The following SH3RF3 variants were observed in gnomAD, a reference collection of about 807,000 sequenced individuals.
The protein encoded by SH3RF3 is SH3 domain containing ring finger 3.
A neutral mutation model predicts 66.3 loss-of-function variants in SH3RF3; 29 were observed. The observed-to-expected ratio is 0.44, with a 90% CI of 0.33 to 0.60. SH3RF3 has a LOEUF of 0.60. SH3RF3 is among the 20% of genes least tolerant of loss of function. The pLI is 0.04. For missense variants in SH3RF3, 1,194 were observed against 1,190.9 expected, an observed-to-expected ratio of 1.00 and a Z score of -0.04; for synonymous variants, 583 against 532.0, an observed-to-expected ratio of 1.10 and a Z score of -1.32.
chr2:109,394,468 G>A (rs79715686), intron 3 of SH3RF3, among the ~76,000 whole-genome samples: 13,118 of 152,292 alleles, frequency 0.086, 729 homozygotes, highest in East Asian at 0.25. Flanking sequence ...CAGAACAGGG[G>A]CAGGCTCTGG....
intron 1 of SH3RF3, among the ~76,000 whole-genome samples, chr2:109,183,884 G>C (rs1362074218): frequency 6.6e-6 from 1 of 152,216 alleles, no homozygotes; most frequent in East Asian, 1.9e-4. Flanking sequence ...ATTGTCCCAA[G>C]GAAAGTGGGC....
chr2:109,433,730 G>T (rs1559081526), intron 6 of SH3RF3, among the ~76,000 whole-genome samples: 1 of 152,222 alleles, frequency 6.6e-6, no homozygotes, highest in Admixed American at 6.5e-5. Flanking sequence ...CTCTCGAGGT[G>T]CCCAGAAGCG....
chr2:109,129,617 G>C lies in SH3RF3; in HGVS notation c.77G>C (p.Arg26Thr). ...AAAQSEGDED[R>T]PGERRRRRAA... The stretch of plus-strand genomic sequence containing the variant: ...GCGCAGAGCGAGGGCGACGAGGACA[G>C]GCCAGGCGAGCGACGGCGGCGTCGG... The change falls in exon 1 of 10, where the codon AGG (arginine) becomes ACG (threonine). Residue 26 changes from arginine to threonine, a missense_variant. Coordinates refer to ENST00000309415, the MANE Select transcript of SH3RF3 (RefSeq NM_001099289.3). 1 of 1,490,264 alleles carries C rather than the reference G, an allele frequency of 6.7e-7. No individual in the cohort carries two copies. Among genetic ancestry groups the C allele is most frequent in the East Asian group, 2.7e-5 (1 of 36,570 alleles). The allele number at this position is 1,490,264 out of a possible 1,614,324, so 92.3% of individuals were successfully genotyped here.
chr2:109,286,116 C>T (rs1419544050), intron 1 of SH3RF3, among the ~76,000 whole-genome samples: 1 of 152,176 alleles, frequency 6.6e-6, no homozygotes, highest in African/African-American at 2.4e-5. Context: ...GGTGCTTGGA[C>T]CCTGCAGGCC....
intron 3 of SH3RF3, among the ~76,000 whole-genome samples, chr2:109,382,710 G>A (rs1675724632): frequency 6.6e-6 from 1 of 152,192 alleles, no homozygotes; most frequent in Admixed American, 6.5e-5. Context: ...GAAGAGGAAG[G>A]CTCCATTCTC....
At chr2:109,475,393 C>T (rs1283410937) in intron 8 of SH3RF3, among the ~76,000 whole-genome samples, 1 of 152,256 alleles carries the variant, frequency 6.6e-6, no homozygotes, top group Non-Finnish European at 1.5e-5. Flanking sequence ...CTACCAGTCC[C>T]CCTGCCTTCC....
chr2:109,409,362 G>T (rs1303116241), intron 4 of SH3RF3, among the ~76,000 whole-genome samples: 1 of 152,194 alleles, frequency 6.6e-6, no homozygotes, highest in Admixed American at 6.5e-5. Context: ...CTGCCGCAGT[G>T]ACTCAGCTCC....
At chr2:109,312,739 T>C (rs1681760101) in intron 1 of SH3RF3, among the ~76,000 whole-genome samples, 1 of 152,240 alleles carries the variant, frequency 6.6e-6, no homozygotes. Context: ...TCCCACTGTA[T>C]GGTATTTCCA....
intron 1 of SH3RF3, among the ~76,000 whole-genome samples, chr2:109,181,850 T>C (rs74733335): frequency 2.6e-4 from 39 of 152,314 alleles, no homozygotes; most frequent in African/African-American, 9.1e-4. Context: ...ACCTTTTTTT[T>C]CCATCCTGGC....
intron 1 of SH3RF3, among the ~76,000 whole-genome samples, chr2:109,331,647 T>G (rs1168435036): frequency 6.6e-6 from 1 of 152,246 alleles, no homozygotes. Context: ...TGTCCCCTTA[T>G]AAAGTGTATG....
intron 1 of SH3RF3, among the ~76,000 whole-genome samples, chr2:109,266,526 C>T (rs1680500422): frequency 6.6e-6 from 1 of 152,120 alleles, no homozygotes; most frequent in Non-Finnish European, 1.5e-5. Context: ...CATTGTTCTC[C>T]TCAATACAGT....
At chr2:109,147,891 C>T (rs1315225827) in intron 1 of SH3RF3, among the ~76,000 whole-genome samples, 1 of 152,194 alleles carries the variant, frequency 6.6e-6, no homozygotes, top group Non-Finnish European at 1.5e-5. Flanking sequence ...TTTATAAACT[C>T]TGCGTTTATA....
At chr2:109,426,581 T>A (rs1677032706) in intron 5 of SH3RF3, among the ~76,000 whole-genome samples, 1 of 152,242 alleles carries the variant, frequency 6.6e-6, no homozygotes, top group Admixed American at 6.5e-5. Flanking sequence ...AAGTAGTTTC[T>A]TGAGATAAAA....
At chr2:109,419,763 G>A in intron 5 of SH3RF3, 121 bp downstream of exon 5, 1 of 867,310 alleles carries the variant, frequency 1.2e-6, no homozygotes, top group African/African-American at 1.7e-5. Flanking sequence ...GGCCAGTATA[G>A]TTATGTGCGT....
intron 1 of SH3RF3, among the ~76,000 whole-genome samples, chr2:109,302,361 G>A (rs1681489423): frequency 6.6e-6 from 1 of 152,232 alleles, no homozygotes; most frequent in Non-Finnish European, 1.5e-5. Flanking sequence ...ACAGCAAGGT[G>A]AAATGCTTGC....
rs143170714 is a variant in SH3RF3 at position 109,329,533 on chromosome 2, C to T, written c.574-18141C>T. On this transcript the variant is annotated intron_variant, in intron 1 of 9. Coordinates refer to ENST00000309415, the MANE Select transcript of SH3RF3 (RefSeq NM_001099289.3). ...ACAACTGAACACATCCCCCCATTCT[C>T]CCTTCCCTGCACTGGGGTGCAGCCT... Among the ~76,000 whole-genome samples the T allele has an allele frequency of 1.3e-5, 2 of 152,342 alleles. 1 individual carries two copies. Among genetic ancestry groups the T allele is most frequent in the East Asian group, 3.9e-4 (2 of 5,186 alleles).
At chr2:109,191,238 G>A (rs892314365) in intron 1 of SH3RF3, among the ~76,000 whole-genome samples, 1 of 152,164 alleles carries the variant, frequency 6.6e-6, no homozygotes, top group African/African-American at 2.4e-5. Context: ...GCTTAAAAAA[G>A]TGGACGGGAA....
intron 1 of SH3RF3, among the ~76,000 whole-genome samples, chr2:109,206,126 C>T (rs559575248): frequency 1.3e-5 from 2 of 152,110 alleles, no homozygotes; most frequent in Non-Finnish European, 1.5e-5. Context: ...CCCCTCTCTC[C>T]CTGGAGGTTT....
intron 1 of SH3RF3, among the ~76,000 whole-genome samples, chr2:109,181,048 C>T (rs73952866): frequency 0.015 from 2,309 of 152,258 alleles, 71 homozygotes; most frequent in African/African-American, 0.052. Flanking sequence ...ATGGCCAGCC[C>T]GCTGTGCACA....
Sources: allele counts gnomAD v4.1 joint callset (sites outside exome capture counted in the v4.1 genomes callset), GRCh38; gene constraint gnomAD v4.1.1; transcripts MANE v1.5; gene names NCBI Gene and HGNC (gene_info 2026-07-23, HGNC 2026-07-21).